The following AAR2 variants were observed in gnomAD, a reference collection of about 807,000 sequenced individuals.
AAR2 encodes the protein protein AAR2 homolog.
In AAR2, 31 loss-of-function variants were observed where a neutral mutation model predicts 26.9. The observed-to-expected ratio is 1.15, with a 90% CI of 0.86 to 1.55. The LOEUF is 1.55. AAR2 is among the 40% of genes most tolerant of loss of function. The probability of loss-of-function intolerance (pLI) is 0.00; values close to 1 mark genes in which losing one functional copy is unlikely to be tolerated. For synonymous variants in AAR2, 188 were observed against 196.1 expected (o/e 0.96, Z 0.34); for missense variants, 430 against 491.3 (o/e 0.88, Z 1.18).
intron 2 of AAR2, among the ~76,000 whole-genome samples, chr20:36,242,805 C>A (rs1400719903): frequency 6.7e-6 from 1 of 149,262 alleles, no homozygotes; most frequent in African/African-American, 2.5e-5. Flanking sequence ...CATTTCAATT[C>A]TTCAAAATAT....
intron 3 of AAR2, among the ~76,000 whole-genome samples, chr20:36,251,107 G>A (rs1360890547): frequency 6.6e-6 from 1 of 151,718 alleles, no homozygotes; most frequent in Non-Finnish European, 1.5e-5. Flanking sequence ...CTAGATGTGT[G>A]GATCACTTGA....
chr20:36,242,569 AT>A (rs1170127810), intron 2 of AAR2, among the ~76,000 whole-genome samples: 3 of 150,092 alleles, frequency 2.0e-5, no homozygotes, highest in Non-Finnish European at 4.4e-5. Context: ...TTTGTTTTGT[AT>A]TTTTAGTAGA....
intron 3 of AAR2, among the ~76,000 whole-genome samples, chr20:36,248,316 T>G (rs1376958228): frequency 2.6e-5 from 4 of 152,040 alleles, no homozygotes; most frequent in Admixed American, 2.0e-4. Flanking sequence ...TTTTTGTTCA[T>G]CTGGTTATCT....
intron 1 of AAR2, among the ~76,000 whole-genome samples, chr20:36,238,164 A>G (rs762361303): frequency 2.6e-5 from 4 of 152,188 alleles, no homozygotes; most frequent in Non-Finnish European, 5.9e-5. Context: ...TTTATGGCAC[A>G]ACCAAGTATA....
chr20:36,238,732 G>T (rs1364725505), intron 1 of AAR2, among the ~76,000 whole-genome samples: 1 of 151,032 alleles, frequency 6.6e-6, no homozygotes, highest in Non-Finnish European at 1.5e-5. Flanking sequence ...CTCCAGCTGG[G>T]GTGACAGAGC....
intron 3 of AAR2, among the ~76,000 whole-genome samples, chr20:36,252,449 C>T (rs1175440528): frequency 1.3e-5 from 2 of 152,270 alleles, no homozygotes; most frequent in Non-Finnish European, 2.9e-5. Flanking sequence ...TGTTAGCTTA[C>T]TGAGACTGAT....
intron 3 of AAR2, among the ~76,000 whole-genome samples, chr20:36,248,614 G>T (rs765939501): frequency 3.9e-5 from 6 of 152,120 alleles, no homozygotes; most frequent in Non-Finnish European, 8.8e-5. Context: ...TCAATATGTT[G>T]TCAAGGCCTA....
chr20:36,239,884 A>T lies in AAR2; in HGVS notation c.16A>T (p.Met6Leu). Reference protein sequence around the residue: MAAVQMDPELAKRLFF... With the variant: MAAVQLDPELAKRLFF... ...CACTGGCCCCATGGCTGCCGTGCAG[A>T]TGGATCCTGAGCTAGCCAAGCGCCT... The change falls in exon 2 of 4, where the codon ATG becomes TTG. Residue 6 changes from methionine (M) to leucine (L), a missense_variant. Met to Leu is a conservative substitution (Grantham distance 15). Transcript: ENST00000320849. 1 of 1,594,338 alleles carries T rather than the reference A, an allele frequency of 6.3e-7. No homozygotes were observed. Among genetic ancestry groups the T allele is most frequent in the Non-Finnish European group, 8.6e-7 (1 of 1,165,060 alleles).
Position 36,238,823 on chromosome 20 carries a change from G to A in AAR2, c.-48-998G>A, listed in dbSNP as rs531807577. ...GTTTTTCTGTGTGTGAAATTTTGAC[G>A]TCTTGGCTAGATTGGAATTGCCTAG... On this transcript the variant is annotated intron_variant, in intron 1 of 3. Transcript: ENST00000320849. Among the ~76,000 whole-genome samples the A allele has an allele frequency of 5.3e-5, 8 of 151,790 alleles. No homozygotes were observed. The East Asian group carries it at 1.4e-3, about 26-fold the overall frequency.
intron 3 of AAR2, 70 bp downstream of exon 3, chr20:36,244,996 T>G: frequency 1.4e-6 from 2 of 1,418,700 alleles, no homozygotes; most frequent in Non-Finnish European, 2.0e-6. Flanking sequence ...GTGTTTTGTT[T>G]CTCGCTATTC....
At chr20:36,237,944 G>A (rs926223763) in intron 1 of AAR2, among the ~76,000 whole-genome samples, 5 of 151,642 alleles carry the variant, frequency 3.3e-5, no homozygotes, top group Admixed American at 1.3e-4. Context: ...CACCATGCGC[G>A]GCTAATTTTT....
intron 3 of AAR2, among the ~76,000 whole-genome samples, chr20:36,249,545 C>G (rs1009394198): frequency 2.0e-5 from 3 of 152,172 alleles, no homozygotes; most frequent in African/African-American, 7.2e-5. Flanking sequence ...ATCTTTAACT[C>G]TTGAGGGAAA....
chr20:36,250,880 C>A (rs1369688970), intron 3 of AAR2, among the ~76,000 whole-genome samples: 3 of 151,854 alleles, frequency 2.0e-5, no homozygotes, highest in Non-Finnish European at 4.4e-5. Flanking sequence ...ATAGTGAGAA[C>A]CTGACTCTAC....
intron 3 of AAR2, among the ~76,000 whole-genome samples, chr20:36,252,516 G>T (rs557305378): frequency 6.6e-6 from 1 of 152,332 alleles, no homozygotes; most frequent in African/African-American, 2.4e-5. Context: ...TCCTTGGTCT[G>T]GAAGAGATCC....
intron 3 of AAR2, among the ~76,000 whole-genome samples, chr20:36,252,173 G>A (rs1386636221): frequency 2.0e-5 from 3 of 152,136 alleles, no homozygotes; most frequent in African/African-American, 7.2e-5. Flanking sequence ...TCAGGGGCCT[G>A]GTAAAGAAGC....
intron 3 of AAR2, among the ~76,000 whole-genome samples, 154 bp downstream of exon 3, chr20:36,245,080 A>G (rs73905313): frequency 0.023 from 3,523 of 151,834 alleles, 134 homozygotes; most frequent in African/African-American, 0.081. Flanking sequence ...TCTCTTACTC[A>G]ATTGTAAGTG....
At chr20:36,242,854 G>GTTTTT (rs766390749) in intron 2 of AAR2, among the ~76,000 whole-genome samples, 2 of 121,020 alleles carry the variant, frequency 1.7e-5, no homozygotes, top group African/African-American at 3.1e-5. Flanking sequence ...AACTTTGTTG[G>GTTTTT]TTTTTTTTTT....
chr20:36,256,347 C>G lies in AAR2; in HGVS notation c.*602C>G, dbSNP rs1199484050. 1.3e-5 allele frequency: 2 copies of G among 152,464 alleles called. No homozygotes were observed. Among genetic ancestry groups the G allele is most frequent in the Non-Finnish European group, 2.9e-5 (2 of 68,260 alleles). The allele number at this position is 152,464 out of a possible 1,614,324, so 9.4% of individuals were successfully genotyped here. On this transcript the variant is annotated 3_prime_UTR_variant, in exon 4 of 4. Coordinates refer to ENST00000320849, the MANE Select transcript of AAR2 (RefSeq NM_001271874.2). Reference sequence around the variant, plus strand: ...CTAGCAGGTGGTCAGCTTCAGCTTTCTCCATCGAAATCCCATTCTCCTGTC... The same window carrying G: ...CTAGCAGGTGGTCAGCTTCAGCTTTGTCCATCGAAATCCCATTCTCCTGTC...
intron 3 of AAR2, among the ~76,000 whole-genome samples, chr20:36,247,308 TA>T (rs1204758735): frequency 6.6e-6 from 1 of 152,148 alleles, no homozygotes; most frequent in East Asian, 1.9e-4. Context: ...CCTCCGTGCT[TA>T]CCAGTTACCC....
Sources: gnomAD v4.1 joint callset for allele counts (sites outside exome capture counted in the v4.1 genomes callset) on GRCh38, gnomAD v4.1.1 for gene constraint, MANE v1.5 for transcripts, NCBI Gene and HGNC (gene_info 2026-07-23, HGNC 2026-07-21) for gene names.